SPAG16: variants seen among roughly 807,000 people sequenced by gnomAD.
SPAG16 encodes the protein sperm-associated antigen 16 protein.
SPAG16 carries 86 observed loss-of-function variants against 80.4 expected under a neutral mutation model. That is an observed-to-expected ratio of 1.07 (90% CI 0.90 to 1.28). The LOEUF is 1.28. Among genes scored for constraint, SPAG16 ranks in the 50% most tolerant of loss-of-function variants. SPAG16 has a pLI of 0.00. For missense variants in SPAG16, 870 were observed against 765.3 expected (o/e 1.14, Z -1.61); for synonymous variants, 294 against 265.9 (o/e 1.11, Z -1.03).
intron 15 of SPAG16, among the ~76,000 whole-genome samples, chr2:214,330,755 C>T (rs904557571): frequency 6.6e-6 from 1 of 152,100 alleles, no homozygotes; most frequent in Non-Finnish European, 1.5e-5. Context: ...GACGATAGAC[C>T]CAGGTGGGGG....
intron 15 of SPAG16, among the ~76,000 whole-genome samples, chr2:214,341,850 T>C (rs926045065): frequency 6.6e-6 from 1 of 152,170 alleles, no homozygotes; most frequent in Non-Finnish European, 1.5e-5. Context: ...CATTCCAGGA[T>C]GGCAATGAAG....
rs894694361 is a variant in SPAG16, at chr2:213,595,905, T to C, written c.1070+105815T>C. 7.2e-5 allele frequency among the ~76,000 whole-genome samples: 11 copies of C among 152,220 alleles called. No individual in the cohort carries two copies. In the Middle Eastern group the frequency reaches 0.014, roughly 188 times the overall value. On this transcript the variant is annotated intron_variant, in intron 10 of 15. Transcript: ENST00000331683. ...TTCATTATCCAACAGTATATTAAAA[T>C]GTACTTTGATCACCATTGTATACTT...
intron 12 of SPAG16, among the ~76,000 whole-genome samples, chr2:213,977,580 TTA>T (rs1177455509): frequency 6.6e-6 from 1 of 152,064 alleles, no homozygotes; most frequent in Non-Finnish European, 1.5e-5. Context: ...TTGGCAGTTC[TTA>T]ATTGTTGCCA....
intron 13 of SPAG16, among the ~76,000 whole-genome samples, chr2:214,036,083 T>C (rs2048681940): frequency 6.6e-6 from 1 of 152,270 alleles, no homozygotes; most frequent in African/African-American, 2.4e-5. Flanking sequence ...TAATTTATTT[T>C]CTACCAAAAG....
rs142947190 is a variant in SPAG16 at position 213,411,346 on chromosome 2, C to T, written c.942+36227C>T. Among the ~76,000 whole-genome samples, 172 of 152,126 alleles carry T rather than the reference C, an allele frequency of 1.1e-3. 2 individuals are homozygous for T. The highest frequency in any genetic ancestry group is 3.7e-3 in the African/African-American group (154 of 41,492). On this transcript the variant is annotated intron_variant, in intron 9 of 15. Coordinates refer to ENST00000331683, the MANE Select transcript of SPAG16 (RefSeq NM_024532.5). ...GAATTTGAGTCAATATTTTGGTGGG[C>T]GACCATTAATAAAAATGTAGATTGG...
intron 13 of SPAG16, among the ~76,000 whole-genome samples, chr2:214,039,306 T>C (rs2048880814): frequency 6.6e-6 from 1 of 152,200 alleles, no homozygotes; most frequent in Non-Finnish European, 1.5e-5. Context: ...ATGATGAGCA[T>C]TTTTTCATGT....
intron 13 of SPAG16, among the ~76,000 whole-genome samples, chr2:214,096,112 T>A (rs750774976): frequency 3.9e-5 from 6 of 152,032 alleles, no homozygotes; most frequent in Non-Finnish European, 7.4e-5. Flanking sequence ...TCATTCTTAT[T>A]CCCTTTGGCT....
chr2:214,074,675 C>A, intron 13 of SPAG16, among the ~76,000 whole-genome samples: 1 of 151,738 alleles, frequency 6.6e-6, no homozygotes, highest in Admixed American at 6.6e-5. Flanking sequence ...AAATATGAAG[C>A]ACTCCTGTAA....
chr2:213,523,887 A>G (rs553529796), intron 10 of SPAG16, among the ~76,000 whole-genome samples: 4 of 152,216 alleles, frequency 2.6e-5, no homozygotes, highest in Admixed American at 6.5e-5. Flanking sequence ...GAGCATAAAA[A>G]TTTGGAAAAT....
At chr2:214,224,939 A>G (rs1323035826) in intron 15 of SPAG16, among the ~76,000 whole-genome samples, 3 of 151,888 alleles carry the variant, frequency 2.0e-5, no homozygotes, top group African/African-American at 7.3e-5. Flanking sequence ...TAACTGGTGC[A>G]CAATATTAAC....
At chr2:213,710,080 ACT>A (rs2065917401) in intron 10 of SPAG16, among the ~76,000 whole-genome samples, 1 of 152,044 alleles carries the variant, frequency 6.6e-6, no homozygotes, top group Non-Finnish European at 1.5e-5. Flanking sequence ...GGAGATGGAG[ACT>A]CTCCTGGCTA....
chr2:214,326,503 T>C (rs1316920633), intron 15 of SPAG16, among the ~76,000 whole-genome samples: 2 of 151,954 alleles, frequency 1.3e-5, no homozygotes, highest in Admixed American at 6.6e-5. Flanking sequence ...AAAAAGCCAA[T>C]ATTCATGGAA....
Position 213,728,876 on chromosome 2 carries a change from C to CAAAAAAAAAAAAAA in SPAG16, c.1071-133577_1071-133564dup, listed in dbSNP as rs58070679. ...TGGGCGACAGAGTGAGACTCCGTCT[C>CAAAAAAAAAAAAAA]AAAAAAAAAAAAAAAAAAAAAAAAA... On this transcript the variant is annotated intron_variant, in intron 10 of 15. Transcript: ENST00000331683. Among the ~76,000 whole-genome samples, 45 of 58,458 alleles carry CAAAAAAAAAAAAAA rather than the reference C, an allele frequency of 7.7e-4. 3 individuals carry two copies. Among genetic ancestry groups the CAAAAAAAAAAAAAA allele is most frequent in the East Asian group, 1.5e-3 (3 of 1,982 alleles). The allele number at this position is 58,458 out of a possible 152,430, so 38.4% of individuals were successfully genotyped here. A position where few individuals can be genotyped will look rare whatever the true frequency, so the allele number is the denominator to read the frequency against.
At chr2:213,348,691 T>A (rs1374769016) in intron 6 of SPAG16, among the ~76,000 whole-genome samples, 1 of 152,230 alleles carries the variant, frequency 6.6e-6, no homozygotes, top group Non-Finnish European at 1.5e-5. Context: ...TCTTTCAGAA[T>A]GTTGAATATT....
intron 10 of SPAG16, among the ~76,000 whole-genome samples, chr2:213,553,005 C>T (rs1017922315): frequency 6.6e-6 from 1 of 152,196 alleles, no homozygotes; most frequent in Non-Finnish European, 1.5e-5. Flanking sequence ...AGCTTCCCTG[C>T]TTTTGAGGTT....
chr2:214,376,276 CTG>C (rs1475012305), intron 15 of SPAG16, among the ~76,000 whole-genome samples: 3 of 152,236 alleles, frequency 2.0e-5, no homozygotes, highest in East Asian at 3.9e-4. Flanking sequence ...ATACAAGAGA[CTG>C]TGAAATCTAA....
rs1024537850 is a variant in SPAG16, at chr2:213,672,793, T to G, written c.1070+182703T>G. Reference sequence around the variant, plus strand: ...AATAGGGATATTCCTATCCTAGGAATTAGTTCTAAATAACTAATTTTCATC... The same window carrying G: ...AATAGGGATATTCCTATCCTAGGAAGTAGTTCTAAATAACTAATTTTCATC... On this transcript the variant is annotated intron_variant, in intron 10 of 15. Transcript: ENST00000331683. Among the ~76,000 whole-genome samples the G allele has an allele frequency of 3.3e-5, 5 of 152,170 alleles. No individual in the cohort carries two copies. In the East Asian group the frequency reaches 9.6e-4, roughly 29 times the overall value.
intron 15 of SPAG16, among the ~76,000 whole-genome samples, chr2:214,391,842 A>G (rs997063221): frequency 6.6e-6 from 1 of 152,180 alleles, no homozygotes; most frequent in African/African-American, 2.4e-5. Context: ...CTTCTCTCCA[A>G]CCCTGCTCAA....
At position 213,687,010 on chromosome 2, in the gene SPAG16, T is replaced by C. The variant is rs536788580; in HGVS notation, c.1071-175475T>C. Among the ~76,000 whole-genome samples, 20 of 152,206 alleles carry C rather than the reference T, an allele frequency of 1.3e-4. 1 individual carries two copies. In the Middle Eastern group the frequency reaches 0.01, roughly 78 times the overall value. ...CCCACCATTTTCTACTTGTTTTCTATTTGTTTCCTTTGTTCTTTGTAATTT... is the reference window on the plus strand; with the variant it reads ...CCCACCATTTTCTACTTGTTTTCTACTTGTTTCCTTTGTTCTTTGTAATTT... On this transcript the variant is annotated intron_variant, in intron 10 of 15. Transcript: ENST00000331683.
Sources: gnomAD v4.1 joint callset for allele counts (sites outside exome capture counted in the v4.1 genomes callset) on GRCh38, gnomAD v4.1.1 for gene constraint, MANE v1.5 for transcripts, NCBI Gene and HGNC (gene_info 2026-07-23, HGNC 2026-07-21) for gene names.